BICD1: variants seen among roughly 807,000 people sequenced by gnomAD.
BICD1 encodes the protein protein bicaudal D homolog 1.
A neutral mutation model predicts 92.5 loss-of-function variants in BICD1; 35 were observed. The ratio of observed to expected loss-of-function variants is 0.38; its 90% CI spans 0.29 to 0.50. The LOEUF (loss-of-function observed/expected upper bound fraction) is 0.50, where lower values mean the gene tolerates loss of function less well. BICD1 is among the 20% of genes least tolerant of loss of function. The pLI is 0.93. For missense variants in BICD1, 950 were observed against 1,189.8 expected (o/e 0.80, Z 2.97); for synonymous variants, 429 against 465.1 (o/e 0.92, Z 1.00).
intron 1 of BICD1, among the ~76,000 whole-genome samples, chr12:32,153,770 C>CATAT (rs149226743): frequency 0.01 from 1,523 of 147,744 alleles, 35 homozygotes; most frequent in African/African-American, 0.036. Context: ...TGTGTGTGTA[C>CATAT]ATATATATAT....
At chr12:32,168,723 A>C (rs1282803555) in intron 1 of BICD1, among the ~76,000 whole-genome samples, 1 of 152,040 alleles carries the variant, frequency 6.6e-6, no homozygotes, top group Non-Finnish European at 1.5e-5. Flanking sequence ...TAATCCCAGC[A>C]CTCTGGGAGG....
intron 1 of BICD1, among the ~76,000 whole-genome samples, chr12:32,139,189 G>C (rs897702529): frequency 2.6e-5 from 4 of 152,218 alleles, no homozygotes. Context: ...CCACGTGGCT[G>C]CTGTGGTGAC....
chr12:32,117,711 TACACAC>T (rs747943737), intron 1 of BICD1, among the ~76,000 whole-genome samples: 228 of 117,022 alleles, frequency 1.9e-3, no homozygotes, highest in Middle Eastern at 4.5e-3. Flanking sequence ...CAAATATATA[TACACAC>T]ACACACACAC....
chr12:32,136,569 G>A (rs1000475556), intron 1 of BICD1, among the ~76,000 whole-genome samples: 4 of 152,192 alleles, frequency 2.6e-5, no homozygotes, highest in Non-Finnish European at 4.4e-5. Flanking sequence ...TCCAGACATG[G>A]ACAAACATAA....
At chr12:32,132,701 A>G (rs1212178806) in intron 1 of BICD1, among the ~76,000 whole-genome samples, 1 of 152,188 alleles carries the variant, frequency 6.6e-6, no homozygotes, top group East Asian at 1.9e-4. Context: ...GGGGAATGTG[A>G]GAGGGGCAGT....
intron 4 of BICD1, among the ~76,000 whole-genome samples, chr12:32,320,182 T>A (rs1477751696): frequency 1.3e-5 from 2 of 152,192 alleles, no homozygotes; most frequent in Non-Finnish European, 2.9e-5. Flanking sequence ...GTTAGAAGAA[T>A]CACATGATCA....
At position 32,177,036 on chromosome 12, in the gene BICD1, C is replaced by T. The variant is rs141479392; in HGVS notation, c.214-39211C>T. Among the ~76,000 whole-genome samples the T allele has an allele frequency of 3.5e-3, 529 of 151,260 alleles. 8 individuals are homozygous for T. Among genetic ancestry groups the T allele is most frequent in the Non-Finnish European group, 2.8e-3 (187 of 67,866 alleles). ...TCTTTAAGAATTACAGTTTTTTGGC[C>T]GGGCATGGTGGCTCACGCCTGTAAT... On this transcript the variant is annotated intron_variant, in intron 1 of 9. Transcript: ENST00000652176.
In BICD1 at chr12:32,171,988, C is replaced by CATAT. The variant is rs144322675; in HGVS notation, c.214-44258_214-44257insTATA. Among the ~76,000 whole-genome samples the CATAT allele has an allele frequency of 8.3e-5, 11 of 132,536 alleles. No individual in the cohort carries two copies. The East Asian group carries it at 9.0e-4, about 11-fold the overall frequency. 86.9% of individuals were successfully genotyped at this position (132,536 alleles called of 152,430 possible). A position where few individuals can be genotyped will look rare whatever the true frequency, so the allele number is the denominator to read the frequency against. On this transcript the variant is annotated intron_variant, in intron 1 of 9. Coordinates refer to ENST00000652176, the MANE Select transcript of BICD1 (RefSeq NM_001714.4). ...ACACACACACACACACACACACACA[C>CATAT]ACTAAAACTGCTGACATTGAGCATT...
At chr12:32,243,577 CA>C (rs1444788251) in intron 2 of BICD1, among the ~76,000 whole-genome samples, 5 of 151,790 alleles carry the variant, frequency 3.3e-5, no homozygotes, top group Non-Finnish European at 7.4e-5. Context: ...TTGTGTGTGC[CA>C]AAAAATTATT....
chr12:32,143,821 C>T (rs1422517334), intron 1 of BICD1, among the ~76,000 whole-genome samples: 3 of 152,168 alleles, frequency 2.0e-5, no homozygotes, highest in Admixed American at 6.5e-5. Context: ...TAACATTTGG[C>T]TCAACTGATG....
chr12:32,340,395 C>T (rs1052128743), intron 8 of BICD1: 2 of 985,232 alleles, frequency 2.0e-6, no homozygotes, highest in African/African-American at 3.5e-5. Flanking sequence ...TTGAAGTATT[C>T]TGTGAATCAC....
chr12:32,120,292 A>G (rs1034799234), intron 1 of BICD1, among the ~76,000 whole-genome samples: 1 of 152,220 alleles, frequency 6.6e-6, no homozygotes, highest in Admixed American at 6.5e-5. Context: ...CTACTCTCAA[A>G]TGTAATATTT....
At chr12:32,222,224 G>A (rs560483244) in intron 2 of BICD1, among the ~76,000 whole-genome samples, 1 of 152,282 alleles carries the variant, frequency 6.6e-6, no homozygotes, top group South Asian at 2.1e-4. Context: ...CATAAGATAG[G>A]CCCCTTCAGG....
chr12:32,224,742 C>T (rs1329410004), intron 2 of BICD1, among the ~76,000 whole-genome samples: 1 of 152,124 alleles, frequency 6.6e-6, no homozygotes, highest in Admixed American at 6.5e-5. Context: ...TGCTCTGTCA[C>T]CCAGGCTGGA....
chr12:32,147,963 AC>A (rs67517805), intron 1 of BICD1, among the ~76,000 whole-genome samples: 2 of 150,910 alleles, frequency 1.3e-5, no homozygotes, highest in Admixed American at 1.3e-4. Context: ...ATATAGGGAG[AC>A]CCCCCATCTC....
Position 32,379,458 on chromosome 12 carries a change from A to T in BICD1, c.*1831A>T, listed in dbSNP as rs1940107598. The T allele has an allele frequency of 1.3e-5, 2 of 152,252 alleles. No homozygotes were observed. The highest frequency in any genetic ancestry group is 2.9e-5 in the Non-Finnish European group (2 of 68,050). 9.4% of individuals were successfully genotyped at this position (152,252 alleles called of 1,614,324 possible). On this transcript the variant is annotated 3_prime_UTR_variant, in exon 10 of 10. Coordinates refer to ENST00000652176, the MANE Select transcript of BICD1 (RefSeq NM_001714.4). Reference sequence around the variant, plus strand: ...AATAAGGGTTCAGGTTAAAGTACAGAAACAGAAACAAAACGATTCGACATG... The same window carrying T: ...AATAAGGGTTCAGGTTAAAGTACAGTAACAGAAACAAAACGATTCGACATG...
chr12:32,195,246 A>G (rs1205756323), intron 1 of BICD1, among the ~76,000 whole-genome samples: 1 of 152,236 alleles, frequency 6.6e-6, no homozygotes, highest in Non-Finnish European at 1.5e-5. Context: ...CATTTTTCAC[A>G]GATATCAGAA....
chr12:32,127,038 T>A (rs1235107495), intron 1 of BICD1, among the ~76,000 whole-genome samples: 8 of 152,226 alleles, frequency 5.3e-5, no homozygotes, highest in Non-Finnish European at 1.0e-4. Context: ...CCTATACTCA[T>A]ATTCTGTATA....
At chr12:32,301,138 T>C (rs1269737025) in intron 3 of BICD1, among the ~76,000 whole-genome samples, 1 of 152,176 alleles carries the variant, frequency 6.6e-6, no homozygotes, top group East Asian at 1.9e-4. Flanking sequence ...TGCAAAGCAG[T>C]AAATCATGTT....
Sources: gnomAD v4.1 joint callset for allele counts (sites outside exome capture counted in the v4.1 genomes callset) on GRCh38, gnomAD v4.1.1 for gene constraint, MANE v1.5 for transcripts, NCBI Gene and HGNC (gene_info 2026-07-23, HGNC 2026-07-21) for gene names.